The following ARK2N variants were observed in gnomAD, a reference collection of about 807,000 sequenced individuals.
The protein encoded by ARK2N is protein ARK2N.
the ARK2N span, among the ~76,000 whole-genome samples, chr18:46,194,251 C>T: frequency 6.6e-6 from 1 of 150,628 alleles, no homozygotes; most frequent in South Asian, 2.1e-4. Context: ...CATGCCTGGC[C>T]CTCTGGTTTC....
At chr18:46,205,895 T>A in the ARK2N span, among the ~76,000 whole-genome samples, 1 of 151,938 alleles carries the variant, frequency 6.6e-6, no homozygotes, top group African/African-American at 2.4e-5. Flanking sequence ...TCGGCTAATT[T>A]TTTTGTATTT....
the ARK2N span, among the ~76,000 whole-genome samples, chr18:46,210,086 T>C: frequency 1.3e-5 from 2 of 152,218 alleles, no homozygotes; most frequent in Non-Finnish European, 2.9e-5. Context: ...AAAGAGAACA[T>C]ATTTACCTTG....
chr18:46,208,464 C>CTTTTTTTTTTTTTTTTTTTT, the ARK2N span, among the ~76,000 whole-genome samples: 1 of 68,364 alleles, frequency 1.5e-5, no homozygotes, highest in Non-Finnish European at 2.8e-5. Context: ...GTTCTTAAAT[C>CTTTTTTTTTTTTTTTTTTTT]TTTTTTTTTT....
chr18:46,259,765 C>A, the ARK2N span, among the ~76,000 whole-genome samples: 1 of 111,606 alleles, frequency 9.0e-6, no homozygotes, highest in Admixed American at 9.9e-5. Context: ...ACTACCCCAC[C>A]CAGCTACTGT....
the ARK2N span, among the ~76,000 whole-genome samples, chr18:46,235,441 G>T: frequency 6.6e-6 from 1 of 152,170 alleles, no homozygotes; most frequent in Non-Finnish European, 1.5e-5. Context: ...ACAAAATAGG[G>T]CAGGTGCTAA....
chr18:46,212,346 C>A, the ARK2N span, among the ~76,000 whole-genome samples: 1 of 152,178 alleles, frequency 6.6e-6, no homozygotes, highest in African/African-American at 2.4e-5. Context: ...TATTCACCTG[C>A]TTTCCTTCTC....
At chr18:46,198,590 T>C in the ARK2N span, among the ~76,000 whole-genome samples, 8 of 152,200 alleles carry the variant, frequency 5.3e-5, no homozygotes, top group African/African-American at 1.9e-4. Context: ...AAATACCATA[T>C]TGTACCCACT....
At chr18:46,225,055 A>G in the ARK2N span, among the ~76,000 whole-genome samples, 11 of 152,210 alleles carry the variant, frequency 7.2e-5, no homozygotes, top group Admixed American at 2.0e-4. Flanking sequence ...CTGTTTTTCC[A>G]AGATGCAGAG....
chr18:46,244,601 A>ATTTT, the ARK2N span, among the ~76,000 whole-genome samples: 52 of 93,862 alleles, frequency 5.5e-4, 16 homozygotes, highest in East Asian at 1.8e-3. Flanking sequence ...AAGAGTTTAG[A>ATTTT]TTTTTTTTTT....
At chr18:46,244,747 G>T in the ARK2N span, among the ~76,000 whole-genome samples, 5 of 151,334 alleles carry the variant, frequency 3.3e-5, no homozygotes, top group Non-Finnish European at 7.4e-5. Flanking sequence ...GATTACAGGT[G>T]TGTGCCACTG....
At chr18:46,228,822 T>G in the ARK2N span, 3 of 398,610 alleles carry the variant, frequency 7.5e-6, no homozygotes, top group Non-Finnish European at 1.3e-5. Flanking sequence ...CTGCACACCT[T>G]GGCCTCTCAA....
the ARK2N span, among the ~76,000 whole-genome samples, chr18:46,262,702 C>A: frequency 2.0e-5 from 3 of 152,044 alleles, no homozygotes; most frequent in Non-Finnish European, 4.4e-5. Context: ...TGAGATAAGA[C>A]CCTTGGCCTT....
chr18:46,200,621 T>C, the ARK2N span, among the ~76,000 whole-genome samples: 1 of 152,156 alleles, frequency 6.6e-6, no homozygotes, highest in African/African-American at 2.4e-5. Context: ...GGGGTTTTTA[T>C]GGTTGGGCTT....
chr18:46,190,695 C>T, the ARK2N span, among the ~76,000 whole-genome samples: 1 of 151,922 alleles, frequency 6.6e-6, no homozygotes, highest in Non-Finnish European at 1.5e-5. Context: ...TAAGATTATG[C>T]TGTATCTAAA....
the ARK2N span, among the ~76,000 whole-genome samples, chr18:46,203,472 G>A: frequency 6.6e-6 from 1 of 152,138 alleles, no homozygotes; most frequent in Admixed American, 6.6e-5. Flanking sequence ...GGGACATGAG[G>A]GATGCTTCTG....
chr18:46,206,671 T>TC, the ARK2N span, among the ~76,000 whole-genome samples: 1 of 152,218 alleles, frequency 6.6e-6, no homozygotes, highest in Admixed American at 6.5e-5. Flanking sequence ...TTTGTTTTTT[T>TC]CCCCCTGCTA....
the ARK2N span, among the ~76,000 whole-genome samples, chr18:46,203,844 C>T: frequency 2.0e-5 from 3 of 152,130 alleles, no homozygotes; most frequent in Non-Finnish European, 4.4e-5. Flanking sequence ...GCCTCGGCCT[C>T]TCAAAGTACT....
the ARK2N span, among the ~76,000 whole-genome samples, chr18:46,240,752 A>G: frequency 4.0e-4 from 61 of 152,268 alleles, no homozygotes; most frequent in African/African-American, 1.3e-3. Flanking sequence ...CCTGTCTTAC[A>G]TTTTTTTAGT....
chr18:46,249,609 A>G, the ARK2N span, among the ~76,000 whole-genome samples: 1 of 152,192 alleles, frequency 6.6e-6, no homozygotes, highest in Non-Finnish European at 1.5e-5. Context: ...GCCTTGCCAC[A>G]TTCTTCAAAA....
Sources: allele counts gnomAD v4.1 joint callset (sites outside exome capture counted in the v4.1 genomes callset), GRCh38; gene constraint gnomAD v4.1.1; transcripts MANE v1.5; gene names NCBI Gene and HGNC (gene_info 2026-07-23, HGNC 2026-07-21).